Variants in SLMAP observed in about 807,000 individuals in gnomAD.
SLMAP encodes the protein sarcolemmal membrane-associated protein.
In SLMAP, 44 loss-of-function variants were observed where a neutral mutation model predicts 128.8. That is an observed-to-expected ratio of 0.34 (90% CI 0.27 to 0.44). SLMAP has a LOEUF of 0.44. SLMAP is among the 20% of genes least tolerant of loss of function. The probability of loss-of-function intolerance (pLI) is 1.00; values close to 1 mark genes in which losing one functional copy is unlikely to be tolerated. For missense variants in SLMAP, 787 were observed against 985.3 expected, an observed-to-expected ratio of 0.80 and a Z score of 2.69; for synonymous variants, 327 against 348.8, an observed-to-expected ratio of 0.94 and a Z score of 0.70.
intron 14 of SLMAP, among the ~76,000 whole-genome samples, chr3:57,881,227 G>T: frequency 6.6e-6 from 1 of 151,856 alleles, no homozygotes; most frequent in East Asian, 1.9e-4. Context: ...AAGAAAGAAA[G>T]CCTTCTACTC....
At chr3:57,830,819 A>G (rs908068511) in intron 2 of SLMAP, among the ~76,000 whole-genome samples, 3 of 152,236 alleles carry the variant, frequency 2.0e-5, no homozygotes, top group African/African-American at 7.2e-5. Context: ...AAAATGAATC[A>G]TTATAATACA....
At position 57,912,531 on chromosome 3, in the gene SLMAP, C is replaced by T. The variant is rs1279605450; in HGVS notation, c.1850C>T (p.Thr617Ile). 1.9e-6 allele frequency: 3 copies of T among 1,614,180 alleles called. No homozygotes were observed. The South Asian group carries it at 3.3e-5, about 18-fold the overall frequency. The change falls in exon 20 of 25, where the codon ACT becomes ATT. Residue 617 changes from threonine (T) to isoleucine (I), a missense_variant. Around this residue, in one of 2 missense-constraint regions of SLMAP, gnomAD observed 715 missense variants for 843.6 expected, o/e 0.85. Coordinates refer to ENST00000671191, the MANE Select transcript of SLMAP (RefSeq NM_001377540.1). ...AAAKVASERD[T>I]DIASLQEELK... Reference sequence around the variant, plus strand: ...GCAAAGGTTGCCTCTGAGCGGGACACTGACATTGCTTCTTTACAAGAAGAG... The same window carrying T: ...GCAAAGGTTGCCTCTGAGCGGGACATTGACATTGCTTCTTTACAAGAAGAG...
chr3:57,794,009 G>C (rs140911278), intron 2 of SLMAP, among the ~76,000 whole-genome samples: 2 of 152,122 alleles, frequency 1.3e-5, no homozygotes, highest in Non-Finnish European at 2.9e-5. Context: ...TAGGACTGCC[G>C]TGAGATGTGT....
intron 17 of SLMAP, chr3:57,899,242 C>T (rs1369616347): frequency 6.6e-6 from 1 of 152,008 alleles, no homozygotes; most frequent in African/African-American, 2.4e-5. Context: ...TATAAAAGTA[C>T]TCACAATATA....
chr3:57,823,820 G>A (rs1016848532), intron 2 of SLMAP, among the ~76,000 whole-genome samples: 2 of 152,204 alleles, frequency 1.3e-5, no homozygotes, highest in African/African-American at 2.4e-5. Context: ...GGTTGAACTA[G>A]TTTACAGTCC....
At chr3:57,828,730 G>T (rs887737682) in intron 2 of SLMAP, among the ~76,000 whole-genome samples, 8 of 152,200 alleles carry the variant, frequency 5.3e-5, no homozygotes, top group Admixed American at 2.6e-4. Flanking sequence ...TGCTTTGGAC[G>T]GTAATATAGA....
At chr3:57,802,469 A>G (rs1014538830) in intron 2 of SLMAP, among the ~76,000 whole-genome samples, 1 of 151,990 alleles carries the variant, frequency 6.6e-6, no homozygotes, top group African/African-American at 2.4e-5. Context: ...TTTAGTAGAG[A>G]TGGGGTTTCA....
intron 6 of SLMAP, among the ~76,000 whole-genome samples, chr3:57,855,853 G>C (rs1234801731): frequency 6.6e-6 from 1 of 151,958 alleles, no homozygotes; most frequent in Non-Finnish European, 1.5e-5. Flanking sequence ...AGACCAGCCT[G>C]TCCAACATGG....
At chr3:57,919,854 C>G (rs1050665377) in intron 22 of SLMAP, among the ~76,000 whole-genome samples, 2 of 152,146 alleles carry the variant, frequency 1.3e-5, no homozygotes, top group East Asian at 3.9e-4. Context: ...CAAAGACTGA[C>G]TCAAGAAAGT....
chr3:57,785,013 G>A (rs2083799989), intron 2 of SLMAP, among the ~76,000 whole-genome samples: 1 of 152,090 alleles, frequency 6.6e-6, no homozygotes, highest in African/African-American at 2.4e-5. Context: ...TCAGAACTGT[G>A]AGATAGATAG....
intron 14 of SLMAP, among the ~76,000 whole-genome samples, chr3:57,881,046 T>C (rs2095726655): frequency 6.6e-6 from 1 of 151,720 alleles, no homozygotes; most frequent in Admixed American, 6.6e-5. Flanking sequence ...ATACAAAAAT[T>C]AGCCAGGCAT....
intron 22 of SLMAP, among the ~76,000 whole-genome samples, chr3:57,921,671 G>T (rs970300054): frequency 6.6e-6 from 1 of 152,122 alleles, no homozygotes; most frequent in African/African-American, 2.4e-5. Context: ...ACCGAAAACA[G>T]AATTTTTAAA....
At chr3:57,905,073 A>C (rs2096493759) in intron 17 of SLMAP, among the ~76,000 whole-genome samples, 1 of 152,174 alleles carries the variant, frequency 6.6e-6, no homozygotes, top group African/African-American at 2.4e-5. Context: ...CCTGTCTCAA[A>C]AAAAGAGAAA....
intron 14 of SLMAP, among the ~76,000 whole-genome samples, chr3:57,883,937 CTTTT>C (rs56691913): frequency 2.4e-5 from 3 of 126,540 alleles, no homozygotes; most frequent in Admixed American, 8.3e-5. Context: ...TCTTTTCTTT[CTTTT>C]TTTTTTTTTT....
chr3:57,888,881 TTC>T (rs997587571), intron 14 of SLMAP, among the ~76,000 whole-genome samples: 10 of 151,916 alleles, frequency 6.6e-5, no homozygotes, highest in Non-Finnish European at 1.5e-4. Context: ...ATCTGTTACT[TTC>T]TGTTTTTTTT....
chr3:57,823,122 G>GA (rs940581088), intron 2 of SLMAP, among the ~76,000 whole-genome samples: 1 of 152,084 alleles, frequency 6.6e-6, no homozygotes, highest in African/African-American at 2.4e-5. Context: ...TTGCTGGGGG[G>GA]AAAAATGGAC....
chr3:57,805,546 CT>C (rs2089638216), intron 2 of SLMAP, among the ~76,000 whole-genome samples: 1 of 152,220 alleles, frequency 6.6e-6, no homozygotes. Context: ...CTTACTACTT[CT>C]AACACTGTCG....
At chr3:57,885,060 A>G (rs1352644925) in intron 14 of SLMAP, among the ~76,000 whole-genome samples, 1 of 151,514 alleles carries the variant, frequency 6.6e-6, no homozygotes, top group Admixed American at 6.7e-5. Flanking sequence ...GGAAAAAGGT[A>G]AGAAGCAGAA....
intron 2 of SLMAP, among the ~76,000 whole-genome samples, chr3:57,809,903 A>G (rs1171743546): frequency 6.6e-6 from 1 of 152,178 alleles, no homozygotes; most frequent in East Asian, 1.9e-4. Flanking sequence ...TTCTTCCTGG[A>G]CACAGCACAA....
Sources: gnomAD v4.1 joint callset for allele counts (sites outside exome capture counted in the v4.1 genomes callset) on GRCh38, gnomAD v4.1.1 for gene constraint, gnomAD v4.1.1 regional missense constraint, MANE v1.5 for transcripts, NCBI Gene and HGNC (gene_info 2026-07-23, HGNC 2026-07-21) for gene names.